The following LRFN2 variants were observed in gnomAD, a reference collection of about 807,000 sequenced individuals.
The protein encoded by LRFN2 is leucine rich repeat and fibronectin type III domain containing 2.
Under a neutral mutation model 37.3 loss-of-function variants are expected in LRFN2, and 18 were observed. The observed-to-expected ratio is 0.48, with a 90% CI of 0.33 to 0.72. The LOEUF (loss-of-function observed/expected upper bound fraction) is 0.72. Among genes scored for constraint, LRFN2 ranks in the 30% least tolerant of loss-of-function variants. The probability of loss-of-function intolerance (pLI) is 0.02; values close to 1 mark genes in which losing one functional copy is unlikely to be tolerated. For synonymous variants in LRFN2, 556 were observed against 466.6 expected (o/e 1.19, Z -2.47); for missense variants, 1,006 against 1,060.7 (o/e 0.95, Z 0.72).
chr6:40,446,997 G>T (rs548194590), intron 1 of LRFN2, among the ~76,000 whole-genome samples: 2 of 150,554 alleles, frequency 1.3e-5, no homozygotes, highest in Non-Finnish European at 3.0e-5. Flanking sequence ...CCTCAGACTG[G>T]AGCTCCCTGG....
In LRFN2 at chr6:40,504,426, C is replaced by T. The variant is rs1202388584; in HGVS notation, c.-18-71295G>A. On this transcript the variant is annotated intron_variant, in intron 1 of 2. Transcript: ENST00000338305. ...ACACCATGTGCCCAAAAACACAATT[C>T]TAACCAATCCTCCGGTCACAACAAA... is the stretch of plus-strand genomic sequence containing the variant. Among the ~76,000 whole-genome samples the T allele has an allele frequency of 2.0e-5, 3 of 152,316 alleles. No individual in the cohort carries two copies. The East Asian group carries it at 5.8e-4, about 29-fold the overall frequency.
chr6:40,456,902 G>T (rs1166781889), intron 1 of LRFN2, among the ~76,000 whole-genome samples: 2 of 152,072 alleles, frequency 1.3e-5, no homozygotes, highest in Non-Finnish European at 2.9e-5. Context: ...GGCACCTAGG[G>T]AAAAATAGCA....
chr6:40,459,786 G>C (rs965918322), intron 1 of LRFN2, among the ~76,000 whole-genome samples: 2 of 152,210 alleles, frequency 1.3e-5, no homozygotes, highest in Non-Finnish European at 2.9e-5. Flanking sequence ...TGGATGGAGG[G>C]AGGACCTTTT....
chr6:40,419,210 C>T (rs1331404462), intron 2 of LRFN2, among the ~76,000 whole-genome samples: 4 of 152,226 alleles, frequency 2.6e-5, no homozygotes, highest in Non-Finnish European at 5.9e-5. Context: ...AGCACCTCCA[C>T]AGCCTTTCAT....
chr6:40,562,831 T>TCACACACA (rs71543995), intron 1 of LRFN2, among the ~76,000 whole-genome samples: 1,774 of 144,058 alleles, frequency 0.012, 16 homozygotes, highest in African/African-American at 0.022. Flanking sequence ...GTGCGTGCAC[T>TCACACACA]CACTCACACA....
At chr6:40,561,322 A>G (rs957602366) in intron 1 of LRFN2, among the ~76,000 whole-genome samples, 1 of 151,982 alleles carries the variant, frequency 6.6e-6, no homozygotes, top group African/African-American at 2.4e-5. Flanking sequence ...GCTAAAAGAG[A>G]CCCCAAGGAC....
At chr6:40,451,868 T>G (rs79914449) in intron 1 of LRFN2, among the ~76,000 whole-genome samples, 283 of 152,252 alleles carry the variant, frequency 1.9e-3, no homozygotes, top group African/African-American at 6.5e-3. Context: ...CATCTGGCTA[T>G]CCAGAAATAA....
chr6:40,456,274 A>G (rs139155780), intron 1 of LRFN2, among the ~76,000 whole-genome samples: 1 of 152,388 alleles, frequency 6.6e-6, no homozygotes, highest in African/African-American at 2.4e-5. Context: ...ATTATGCAAT[A>G]ACAAAAAACT....
At chr6:40,419,016 C>T (rs909632299) in intron 2 of LRFN2, among the ~76,000 whole-genome samples, 3 of 152,220 alleles carry the variant, frequency 2.0e-5, no homozygotes, top group African/African-American at 7.2e-5. Context: ...TCAGGCTCCA[C>T]TCGGTACCTA....
intron 1 of LRFN2, among the ~76,000 whole-genome samples, chr6:40,531,433 G>T (rs11962909): frequency 6.6e-6 from 1 of 152,082 alleles, no homozygotes; most frequent in East Asian, 1.9e-4. Context: ...ACATCTTGCC[G>T]GGGCATATGT....
intron 1 of LRFN2, among the ~76,000 whole-genome samples, chr6:40,524,462 C>G (rs538783436): frequency 1.6e-4 from 24 of 151,608 alleles, no homozygotes; most frequent in African/African-American, 5.8e-4. Flanking sequence ...CACACACACC[C>G]CTGCAGCCCT....
chr6:40,413,407 C>T (rs1258003923), intron 2 of LRFN2, among the ~76,000 whole-genome samples: 1 of 151,328 alleles, frequency 6.6e-6, no homozygotes, highest in Non-Finnish European at 1.5e-5. Flanking sequence ...CCTGGGTGGG[C>T]CAGGGAGGCA....
chr6:40,524,292 C>G (rs1048223656), intron 1 of LRFN2, among the ~76,000 whole-genome samples: 9 of 152,070 alleles, frequency 5.9e-5, no homozygotes, highest in African/African-American at 2.2e-4. Context: ...AACAGGTGTC[C>G]CATAACCAGG....
chr6:40,426,957 C>T (rs1763367039), intron 2 of LRFN2, among the ~76,000 whole-genome samples: 2 of 152,200 alleles, frequency 1.3e-5, no homozygotes, highest in African/African-American at 2.4e-5. Flanking sequence ...CTAAAAATGA[C>T]AGGGGTCTCT....
At chr6:40,566,478 C>A (rs1207114525) in intron 1 of LRFN2, among the ~76,000 whole-genome samples, 3 of 152,106 alleles carry the variant, frequency 2.0e-5, no homozygotes, top group Non-Finnish European at 4.4e-5. Flanking sequence ...AGACTTGGAA[C>A]CAACCCAAAT....
intron 1 of LRFN2, among the ~76,000 whole-genome samples, chr6:40,484,470 C>A (rs1764906606): frequency 6.6e-6 from 1 of 152,220 alleles, no homozygotes; most frequent in Non-Finnish European, 1.5e-5. Flanking sequence ...ATAATGTGCA[C>A]ACAAATCACC....
intron 2 of LRFN2, among the ~76,000 whole-genome samples, chr6:40,404,148 A>T (rs1762797814): frequency 6.6e-6 from 1 of 151,622 alleles, no homozygotes; most frequent in South Asian, 2.1e-4. Flanking sequence ...TTGTTACTCC[A>T]CTCCATTTTT....
chr6:40,430,770 G>T (rs905648945), intron 2 of LRFN2, among the ~76,000 whole-genome samples: 1 of 152,192 alleles, frequency 6.6e-6, no homozygotes, highest in South Asian at 2.1e-4. Flanking sequence ...GGCCCAGGGG[G>T]TTCAGCACAG....
chr6:40,510,862 C>T (rs1765687582), intron 1 of LRFN2, among the ~76,000 whole-genome samples: 2 of 152,116 alleles, frequency 1.3e-5, no homozygotes, highest in Admixed American at 6.5e-5. Flanking sequence ...GAAGACGAGA[C>T]TCACACAGCA....
Sources: gnomAD v4.1 joint callset for allele counts (sites outside exome capture counted in the v4.1 genomes callset) on GRCh38, gnomAD v4.1.1 for gene constraint, MANE v1.5 for transcripts, NCBI Gene and HGNC (gene_info 2026-07-23, HGNC 2026-07-21) for gene names.